ANKRD10: variants seen among roughly 807,000 people sequenced by gnomAD.
ANKRD10 encodes ankyrin repeat domain-containing protein 10.
ANKRD10 carries 14 observed loss-of-function variants against 27.0 expected under a neutral mutation model. That is an observed-to-expected ratio of 0.52 (90% CI 0.34 to 0.81). The LOEUF (loss-of-function observed/expected upper bound fraction) is 0.81. ANKRD10 is among the 40% of genes least tolerant of loss of function. The pLI, the probability that ANKRD10 is intolerant of heterozygous loss-of-function variation, is 0.01. For missense variants in ANKRD10, 493 were observed against 544.0 expected, an observed-to-expected ratio of 0.91 and a Z score of 0.93; for synonymous variants, 250 against 224.5, an observed-to-expected ratio of 1.11 and a Z score of -1.01.
In ANKRD10 at chr13:110,910,599, C is replaced by A. The variant is rs2065668628; in HGVS notation, c.363+19G>T. 1 of 1,611,676 alleles carries A rather than the reference C, an allele frequency of 6.2e-7. No homozygotes were observed. Among genetic ancestry groups the A allele is most frequent in the East Asian group, 2.2e-5 (1 of 44,842 alleles). ...AAGAAAAAGCAAAAGCAAACCAAGT[C>A]CATCACCAGCACTCTTACCGGTTTG... On this transcript the variant is annotated intron_variant, in intron 2 of 5. Coordinates refer to ENST00000267339, the MANE Select transcript of ANKRD10 (RefSeq NM_017664.4).
chr13:110,906,586 A>T (rs1372199378), intron 2 of ANKRD10, among the ~76,000 whole-genome samples: 1 of 152,174 alleles, frequency 6.6e-6, no homozygotes, highest in African/African-American at 2.4e-5. Context: ...ACCCGAGTCA[A>T]CATCATCAAT....
In ANKRD10 at chr13:110,901,550, G is replaced by A. The variant is rs143192449; in HGVS notation, c.455+4483C>T. 2.6e-4 allele frequency among the ~76,000 whole-genome samples: 40 copies of A among 152,316 alleles called. No individual in the cohort carries two copies. The East Asian group carries it at 7.3e-3, about 28-fold the overall frequency. ...AGTAGTAAGGAAATTATTAAAATCT[G>A]TATTTTAATCAAGCTGCTATGAAAA... On this transcript the variant is annotated intron_variant, in intron 3 of 5. Coordinates refer to ENST00000267339, the MANE Select transcript of ANKRD10 (RefSeq NM_017664.4).
At chr13:110,904,473 G>A (rs1441413489) in intron 3 of ANKRD10, 1 of 152,134 alleles carries the variant, frequency 6.6e-6, no homozygotes, top group Non-Finnish European at 1.5e-5. Flanking sequence ...AAACATCTTT[G>A]TAATAAAATG....
chr13:110,884,095 A>G (rs1383120402), intron 4 of ANKRD10, among the ~76,000 whole-genome samples: 1 of 151,880 alleles, frequency 6.6e-6, no homozygotes, highest in African/African-American at 2.4e-5. Context: ...TATAACCTGG[A>G]AACAATTCCA....
chr13:110,893,113 A>G lies in ANKRD10; in HGVS notation c.606T>C (p.Phe202=). ...GILNGGHQNV[F]PNHISVGTNR... Reference sequence around the variant, plus strand: ...TTGTTCCCACACTAATATGATTAGGAAATACATTCTGATGACCCCCATTTA... The same window carrying G: ...TTGTTCCCACACTAATATGATTAGGGAATACATTCTGATGACCCCCATTTA... Residue 202 remains phenylalanine, a synonymous_variant, in exon 4 of 6, where the codon TTT becomes TTC. Coordinates refer to ENST00000267339, the MANE Select transcript of ANKRD10 (RefSeq NM_017664.4). 6.2e-7 allele frequency: 1 copy of G among 1,614,246 alleles called. No individual in the cohort carries two copies.
chr13:110,891,874 T>A (rs1472297949), intron 4 of ANKRD10, among the ~76,000 whole-genome samples: 1 of 139,570 alleles, frequency 7.2e-6, no homozygotes, highest in Non-Finnish European at 1.6e-5. Flanking sequence ...ATTAAGACTT[T>A]TTTTTTTTTT....
intron 4 of ANKRD10, among the ~76,000 whole-genome samples, chr13:110,885,083 G>A (rs1027891027): frequency 1.2e-4 from 18 of 152,118 alleles, no homozygotes; most frequent in African/African-American, 4.3e-4. Flanking sequence ...GAGGCCAAAA[G>A]CATTCTTCAA....
chr13:110,906,236 A>G (rs1453686119), intron 2 of ANKRD10, 112 bp from the exon 3 acceptor site: 6 of 807,794 alleles, frequency 7.4e-6, no homozygotes, highest in Non-Finnish European at 1.2e-5. Context: ...TTGAAGTAAA[A>G]CATGTTGAGC....
At chr13:110,891,449 C>T (rs2065070119) in intron 4 of ANKRD10, among the ~76,000 whole-genome samples, 1 of 152,152 alleles carries the variant, frequency 6.6e-6, no homozygotes, top group Admixed American at 6.5e-5. Flanking sequence ...AAATGCTTAA[C>T]TCATAAAAAT....
At chr13:110,904,990 G>C (rs1158878868) in intron 3 of ANKRD10, 3 of 152,194 alleles carry the variant, frequency 2.0e-5, no homozygotes, top group Non-Finnish European at 4.4e-5. Flanking sequence ...ATATAATACA[G>C]AGTCAAAGCA....
intron 4 of ANKRD10, among the ~76,000 whole-genome samples, chr13:110,888,348 G>C (rs1459467795): frequency 6.6e-6 from 1 of 151,866 alleles, no homozygotes; most frequent in Non-Finnish European, 1.5e-5. Flanking sequence ...GTCTGGACTG[G>C]AAGTGTAATT....
chr13:110,914,970 A>AGAGGACGCGTCGGG lies in ANKRD10; in HGVS notation c.-50_-37dup. ...CGGAGAGCGCGGGGCTCGCTGGCCT[A>AGAGGACGCGTCGGG]GAGGACGCGTCGGGGAGGACTCGAG... On this transcript the variant is annotated 5_prime_UTR_variant, in exon 1 of 6. Transcript: ENST00000267339. 1 of 1,517,480 alleles carries AGAGGACGCGTCGGG rather than the reference A, an allele frequency of 6.6e-7. No homozygotes were observed. Among genetic ancestry groups the AGAGGACGCGTCGGG allele is most frequent in the Non-Finnish European group, 8.8e-7 (1 of 1,137,664 alleles). 94.0% of individuals were successfully genotyped at this position (1,517,480 alleles called of 1,614,324 possible).
At chr13:110,884,196 A>C (rs2064872110) in intron 4 of ANKRD10, among the ~76,000 whole-genome samples, 1 of 147,530 alleles carries the variant, frequency 6.8e-6, no homozygotes, top group African/African-American at 2.5e-5. Flanking sequence ...TTTTTTAAAA[A>C]AATCCACTAT....
intron 3 of ANKRD10, among the ~76,000 whole-genome samples, chr13:110,899,944 G>A (rs1352755362): frequency 1.3e-5 from 2 of 152,128 alleles, no homozygotes; most frequent in African/African-American, 2.4e-5. Flanking sequence ...AAGCACAGTG[G>A]CTCAACCCTA....
At chr13:110,909,380 C>A (rs1006039228) in intron 2 of ANKRD10, among the ~76,000 whole-genome samples, 2 of 152,190 alleles carry the variant, frequency 1.3e-5, no homozygotes, top group Non-Finnish European at 2.9e-5. Context: ...AGGAAAAACA[C>A]AAGGCGCTGC....
rs374931715 is a variant in ANKRD10 at position 110,879,633 on chromosome 13, G to A, written c.*4C>T. 18 of 1,604,216 alleles carry A rather than the reference G, an allele frequency of 1.1e-5. No individual in the cohort carries two copies. The highest frequency in any genetic ancestry group is 5.0e-5 in the Admixed American group (3 of 59,652). Reference sequence around the variant, plus strand: ...CTGCGTTTCCGAGAGCCAGGTCAGCGTCTCTAGGAGCCGTGGTGCAGGTGC... The same window carrying A: ...CTGCGTTTCCGAGAGCCAGGTCAGCATCTCTAGGAGCCGTGGTGCAGGTGC... On this transcript the variant is annotated 3_prime_UTR_variant, in exon 6 of 6. Transcript: ENST00000267339.
At chr13:110,906,485 A>T (rs1715917965) in intron 2 of ANKRD10, among the ~76,000 whole-genome samples, 1 of 152,166 alleles carries the variant, frequency 6.6e-6, no homozygotes, top group African/African-American at 2.4e-5. Context: ...ACACACACAC[A>T]TTAAAACGGT....
rs752328089 is a variant in ANKRD10 at position 110,906,106 on chromosome 13, G to C, written c.382C>G (p.Pro128Ala). The change falls in exon 3 of 6, where the codon CCC becomes GCC. Residue 128 changes from proline (P) to alanine (A), a missense_variant. By Grantham distance (27) the Pro-to-Ala change is conservative. Transcript: ENST00000267339. ...CCAGAGCGAGCTGCCTTGTGAATGGGAGTTTCACCCTCACAATCCTGAAAC... is the reference window on the plus strand; with the variant it reads ...CCAGAGCGAGCTGCCTTGTGAATGGCAGTTTCACCCTCACAATCCTGAAAC... ...INKPDCEGETPIHKAARSGSL... is the reference protein window; with the variant it reads ...INKPDCEGETAIHKAARSGSL... The C allele has an allele frequency of 6.9e-6, 11 of 1,601,112 alleles. No homozygotes were observed. Among genetic ancestry groups the C allele is most frequent in the Non-Finnish European group, 7.7e-6 (9 of 1,173,300 alleles).
intron 5 of ANKRD10, among the ~76,000 whole-genome samples, chr13:110,880,701 A>G (rs1382090386): frequency 2.0e-5 from 3 of 152,224 alleles, no homozygotes; most frequent in Non-Finnish European, 4.4e-5. Flanking sequence ...AATCAGGGCT[A>G]TTAAAAGGAA....
Sources: allele counts gnomAD v4.1 joint callset (sites outside exome capture counted in the v4.1 genomes callset), GRCh38; gene constraint gnomAD v4.1.1; transcripts MANE v1.5; gene names NCBI Gene and HGNC (gene_info 2026-07-23, HGNC 2026-07-21).